USP9Y: variants seen among roughly 807,000 people sequenced by gnomAD.
USP9Y encodes the protein ubiquitin carboxyl-terminal hydrolase 9Y.
USP9Y carries 41 observed loss-of-function variants against 53.1 expected under a neutral mutation model. The ratio of observed to expected loss-of-function variants is 0.77; its 90% confidence interval spans 0.60 to 1.00. The LOEUF (loss-of-function observed/expected upper bound fraction) is 1.00, where lower values mean the gene tolerates loss of function less well. Among genes scored for constraint, USP9Y ranks in the 50% least tolerant of loss-of-function variants. The pLI is 0.00. For synonymous variants in USP9Y, 220 were observed against 173.7 expected, an observed-to-expected ratio of 1.27 and a Z score of -2.09; for missense variants, 567 against 535.8, an observed-to-expected ratio of 1.06 and a Z score of -0.58.
At chrY:12,804,595 C>T (rs2148288335) in intron 27 of USP9Y, among the ~76,000 whole-genome samples, 3 of 33,716 alleles carry the variant, frequency 8.9e-5, no homozygotes, top group South Asian at 6.7e-4. Context: ...TTCTCCCTCA[C>T]ACTGATGCAG....
At chrY:12,743,143 T>C in intron 12 of USP9Y, among the ~76,000 whole-genome samples, 1 of 32,951 alleles carries the variant, frequency 3.0e-5, no homozygotes, top group Admixed American at 2.8e-4. Context: ...TTATCTGAAA[T>C]GCTTAGTACC....
At chrY:12,722,265 T>A in intron 5 of USP9Y, 78 bp downstream of exon 5, 8 of 268,198 alleles carry the variant, frequency 3.0e-5, no homozygotes, top group Non-Finnish European at 4.8e-5. Flanking sequence ...TTTTCATCCC[T>A]CTGTTATAAA....
chrY:12,786,109 T>G, intron 22 of USP9Y, 94 bp from the exon 23 acceptor site: 1 of 289,318 alleles, frequency 3.5e-6, no homozygotes, highest in Non-Finnish European at 5.2e-6. Context: ...TAATTTTTAT[T>G]TATTTAAGAT....
In USP9Y at chrY:12,816,311, T is replaced by C. The variant is rs754717650; in HGVS notation, c.4797T>C (p.Asp1599=). 1.3e-5 allele frequency: 5 copies of C among 398,846 alleles called. No homozygotes were observed. The highest frequency in any genetic ancestry group is 1.1e-5 in the Non-Finnish European group (3 of 283,416). ...AAGGCACAGGTAGTGATTTACACGA[T>C]GATATGTTCGGGGATGAGAAGCAGG... The part of the protein sequence containing the change: ...AIEGTGSDLH[D]DMFGDEKQDS... Residue 1599 remains aspartate, a synonymous_variant, in exon 32 of 46, where the codon GAT becomes GAC. Transcript: ENST00000338981.
chrY:12,761,993 A>G, intron 15 of USP9Y, among the ~76,000 whole-genome samples: 2 of 33,279 alleles, frequency 6.0e-5, no homozygotes, highest in East Asian at 1.6e-3. Flanking sequence ...TTGTAGAACT[A>G]TAAAAGCAAT....
intron 3 of USP9Y, among the ~76,000 whole-genome samples, chrY:12,713,924 G>A (rs2053428053): frequency 5.2e-5 from 1 of 19,332 alleles, no homozygotes; most frequent in African/African-American, 2.1e-4. Flanking sequence ...GCGGAGTCTC[G>A]CTCTGTCACC....
intron 42 of USP9Y, 99 bp downstream of exon 42, chrY:12,847,426 C>T: frequency 5.2e-6 from 1 of 191,777 alleles, no homozygotes; most frequent in South Asian, 4.1e-5. Flanking sequence ...TTTGATACTC[C>T]GCTTAATGTT....
intron 25 of USP9Y, among the ~76,000 whole-genome samples, chrY:12,790,864 G>A (rs2053507388): frequency 3.0e-5 from 1 of 33,438 alleles, no homozygotes; most frequent in Non-Finnish European, 7.4e-5. Context: ...AAGTTTTCTT[G>A]TGATGTTTAT....
At chrY:12,852,905 A>T (rs2053572806) in intron 42 of USP9Y, among the ~76,000 whole-genome samples, 1 of 32,877 alleles carries the variant, frequency 3.0e-5, no homozygotes, top group Non-Finnish European at 7.5e-5. Flanking sequence ...TTCCTCTGGA[A>T]GCTTCATCCC....
At chrY:12,834,260 C>G (rs751052921) in intron 34 of USP9Y, among the ~76,000 whole-genome samples, 1 of 32,835 alleles carries the variant, frequency 3.0e-5, no homozygotes, top group Admixed American at 2.9e-4. Context: ...TCATCGTTCA[C>G]TTTAGAAGGC....
chrY:12,774,339 T>G (rs532167549), intron 17 of USP9Y, among the ~76,000 whole-genome samples: 77 of 31,414 alleles, frequency 2.5e-3, no homozygotes, highest in African/African-American at 9.0e-3. Flanking sequence ...GGTGGTAGGT[T>G]CCTTTAGTCC....
At chrY:12,774,691 A>G in intron 17 of USP9Y, among the ~76,000 whole-genome samples, 1 of 33,024 alleles carries the variant, frequency 3.0e-5, no homozygotes, top group Non-Finnish European at 7.4e-5. Context: ...ATATTTAAAT[A>G]GCTGGAATAA....
chrY:12,737,731 A>G (rs747968732), intron 10 of USP9Y, among the ~76,000 whole-genome samples: 7 of 33,968 alleles, frequency 2.1e-4, no homozygotes, highest in African/African-American at 8.0e-4. Flanking sequence ...AGAAGAATCT[A>G]AGATTGGGAA....
At chrY:12,733,547 C>T in intron 7 of USP9Y, among the ~76,000 whole-genome samples, 1 of 30,172 alleles carries the variant, frequency 3.3e-5, no homozygotes, top group South Asian at 7.8e-4. Context: ...GACCAGATTT[C>T]CCTCTTGTTG....
At chrY:12,734,139 G>T (rs2053449483) in intron 7 of USP9Y, among the ~76,000 whole-genome samples, 1 of 33,684 alleles carries the variant, frequency 3.0e-5, no homozygotes, top group Non-Finnish European at 7.3e-5. Context: ...CTACAGGTTT[G>T]TAATTCCCTT....
At chrY:12,765,386 G>T in intron 15 of USP9Y, among the ~76,000 whole-genome samples, 1 of 32,709 alleles carries the variant, frequency 3.1e-5, no homozygotes, top group African/African-American at 1.2e-4. Flanking sequence ...ATTTCTGGCT[G>T]ATGTTTTTGC....
intron 24 of USP9Y, among the ~76,000 whole-genome samples, chrY:12,789,277 A>T: frequency 3.0e-5 from 1 of 33,356 alleles, no homozygotes; most frequent in Non-Finnish European, 7.4e-5. Flanking sequence ...TTGCAGTAAC[A>T]TCTCCCCCAG....
intron 5 of USP9Y, 130 bp from the exon 6 acceptor site, chrY:12,724,983 T>A: frequency 6.0e-6 from 1 of 165,759 alleles, no homozygotes; most frequent in Non-Finnish European, 1.2e-5. Context: ...TATAATGTCA[T>A]GTCTCATTTC....
chrY:12,825,151 G>A (rs2053544979), intron 33 of USP9Y, among the ~76,000 whole-genome samples: 1 of 32,041 alleles, frequency 3.1e-5, no homozygotes, highest in Non-Finnish European at 7.6e-5. Context: ...AGTTGGTCTC[G>A]GACTCCTGAC....
Sources: gnomAD v4.1 joint callset for allele counts (sites outside exome capture counted in the v4.1 genomes callset) on GRCh38, gnomAD v4.1.1 for gene constraint, MANE v1.5 for transcripts, NCBI Gene and HGNC (gene_info 2026-07-23, HGNC 2026-07-21) for gene names.